Variants in SEMA3A observed in about 807,000 individuals in gnomAD.
The protein encoded by SEMA3A is semaphorin 3A, also known as semaphorin-3A.
Under a neutral mutation model 97.9 loss-of-function variants are expected in SEMA3A, and 29 were observed. The observed-to-expected ratio is 0.30, with a 90% CI of 0.22 to 0.40. SEMA3A has a LOEUF of 0.40. SEMA3A is among the 10% of genes least tolerant of loss of function. The pLI is 1.00. For synonymous variants in SEMA3A, 321 were observed against 323.7 expected (o/e 0.99, Z 0.09); for missense variants, 763 against 951.3 (o/e 0.80, Z 2.60).
upstream of SEMA3A, among the ~76,000 whole-genome samples, chr7:84,198,088 A>G (rs10259198): frequency 0.012 from 1,769 of 152,274 alleles, 30 homozygotes; most frequent in African/African-American, 0.041. Flanking sequence ...TGAAATTAGA[A>G]AACTTACTGT....
At chr7:84,387,648 C>T (rs1803432667) in intron 1 of SEMA3A, among the ~76,000 whole-genome samples, 1 of 152,088 alleles carries the variant, frequency 6.6e-6, no homozygotes, top group Non-Finnish European at 1.5e-5. Context: ...ACAGATAATT[C>T]TGCTCTAATC....
intron 10 of SEMA3A, among the ~76,000 whole-genome samples, chr7:84,005,829 G>T (rs566704429): frequency 1.3e-5 from 2 of 152,102 alleles, no homozygotes; most frequent in Non-Finnish European, 2.9e-5. Context: ...CATGCCTGTA[G>T]TCCCAGCTAC....
chr7:84,488,170 C>T (rs546536483), intron 1 of SEMA3A, among the ~76,000 whole-genome samples: 1 of 151,856 alleles, frequency 6.6e-6, no homozygotes, highest in Admixed American at 6.6e-5. Flanking sequence ...TTTTTATTTT[C>T]TTCACAAAGA....
intron 6 of SEMA3A, among the ~76,000 whole-genome samples, chr7:84,042,518 C>T (rs1314183185): frequency 6.6e-6 from 1 of 151,980 alleles, no homozygotes; most frequent in African/African-American, 2.4e-5. Flanking sequence ...GCTTCCTAAG[C>T]GTGCTCCACC....
chr7:84,136,641 CT>C (rs1796132365), intron 1 of SEMA3A, among the ~76,000 whole-genome samples: 1 of 152,162 alleles, frequency 6.6e-6, no homozygotes, highest in Non-Finnish European at 1.5e-5. Flanking sequence ...CTGCATCCCA[CT>C]GTCAATTATT....
chr7:84,244,704 G>GT (rs960891204), intron 3 of SEMA3A, among the ~76,000 whole-genome samples: 7 of 151,818 alleles, frequency 4.6e-5, no homozygotes, highest in East Asian at 1.9e-4. Context: ...ACAATTTTGT[G>GT]TTTTTTTAGT....
intron 3 of SEMA3A, among the ~76,000 whole-genome samples, chr7:84,126,505 T>G (rs749758835): frequency 2.6e-5 from 4 of 152,126 alleles, no homozygotes; most frequent in Non-Finnish European, 5.9e-5. Flanking sequence ...CGCGCCCGGA[T>G]GAGTTGATTA....
intron 3 of SEMA3A, among the ~76,000 whole-genome samples, chr7:84,261,852 A>C (rs562871960): frequency 6.6e-6 from 1 of 152,372 alleles, no homozygotes; most frequent in South Asian, 2.1e-4. Flanking sequence ...GCCACCAGTC[A>C]CAGAGGTTTC....
At chr7:83,973,528 C>T (rs1789002890) in intron 15 of SEMA3A, among the ~76,000 whole-genome samples, 2 of 152,070 alleles carry the variant, frequency 1.3e-5, no homozygotes, top group African/African-American at 4.8e-5. Flanking sequence ...TGAGACTCCT[C>T]TTGGGGCTAA....
chr7:84,291,585 T>C (rs1020111728), intron 3 of SEMA3A, among the ~76,000 whole-genome samples: 1 of 152,150 alleles, frequency 6.6e-6, no homozygotes, highest in Non-Finnish European at 1.5e-5. Flanking sequence ...CATTTCCATT[T>C]GGAAATTTGT....
chr7:84,249,184 A>G (rs1043192724), intron 3 of SEMA3A, among the ~76,000 whole-genome samples: 2 of 152,152 alleles, frequency 1.3e-5, no homozygotes, highest in African/African-American at 4.8e-5. Context: ...AATCTAAAGT[A>G]TCTCTAAAGG....
intron 2 of SEMA3A, among the ~76,000 whole-genome samples, chr7:84,369,994 G>A (rs1294571264): frequency 6.6e-6 from 1 of 151,186 alleles, no homozygotes; most frequent in Admixed American, 6.6e-5. Context: ...AATAGGAAAG[G>A]AAGCTGCAAA....
intron 2 of SEMA3A, among the ~76,000 whole-genome samples, chr7:84,324,409 T>C (rs1801725466): frequency 6.6e-6 from 1 of 152,198 alleles, no homozygotes; most frequent in South Asian, 2.1e-4. Context: ...TGGTCATGGA[T>C]ATAAAGTTAA....
chr7:84,444,259 A>G (rs1039710207), intron 1 of SEMA3A, among the ~76,000 whole-genome samples: 1 of 152,158 alleles, frequency 6.6e-6, no homozygotes, highest in Non-Finnish European at 1.5e-5. Context: ...TGAAGAAATC[A>G]TACAGGATCT....
chr7:84,427,976 T>C lies in SEMA3A; in HGVS notation c.-245-56076A>G, dbSNP rs148076135. On this transcript the variant is annotated intron_variant, in intron 1 of 3. Transcript: ENST00000424555. ...GTAGAGTGATTCAGCATTTATAAAT[T>C]TTAAAGTAATGAATATTGTATTTAG... Among the ~76,000 whole-genome samples, 628 of 152,258 alleles carry C rather than the reference T, an allele frequency of 4.1e-3. 3 individuals carry two copies. In the Middle Eastern group the frequency reaches 0.048, roughly 12 times the overall value.
intron 1 of SEMA3A, among the ~76,000 whole-genome samples, chr7:84,390,335 AATTATT>A (rs71078827): frequency 0.029 from 4,220 of 143,628 alleles, 159 homozygotes; most frequent in African/African-American, 0.089. Flanking sequence ...GATATTCAAG[AATTATT>A]ATTATTATTA....
intron 6 of SEMA3A, among the ~76,000 whole-genome samples, chr7:84,044,050 GA>G (rs1792247376): frequency 1.3e-5 from 2 of 151,966 alleles, no homozygotes; most frequent in Non-Finnish European, 2.9e-5. Context: ...CATGGACAGA[GA>G]AAGCCTTTAT....
At chr7:84,185,075 T>C (rs567889841) in intron 1 of SEMA3A, among the ~76,000 whole-genome samples, 2 of 152,280 alleles carry the variant, frequency 1.3e-5, no homozygotes, top group African/African-American at 4.8e-5. Flanking sequence ...TTTCAGTAAT[T>C]CCCAATTAAA....
At chr7:84,300,468 G>A (rs906772169) in intron 3 of SEMA3A, among the ~76,000 whole-genome samples, 9 of 152,074 alleles carry the variant, frequency 5.9e-5, no homozygotes, top group Middle Eastern at 3.4e-3. Flanking sequence ...TTTTATTTTG[G>A]TAGGGGCTAC....
Sources: gnomAD v4.1 joint callset for allele counts (sites outside exome capture counted in the v4.1 genomes callset) on GRCh38, gnomAD v4.1.1 for gene constraint, MANE v1.5 for transcripts, NCBI Gene and HGNC (gene_info 2026-07-23, HGNC 2026-07-21) for gene names.